SYNPR: variants seen among roughly 807,000 people sequenced by gnomAD.
SYNPR encodes synaptoporin.
Under a neutral mutation model 32.9 loss-of-function variants are expected in SYNPR, and 23 were observed. The ratio of observed to expected loss-of-function variants is 0.70; its 90% confidence interval spans 0.50 to 0.99. The LOEUF (loss-of-function observed/expected upper bound fraction) is 0.99. SYNPR is among the 50% of genes least tolerant of loss of function. The pLI, the probability that SYNPR is intolerant of heterozygous loss-of-function variation, is 0.00. For synonymous variants in SYNPR, 146 were observed against 135.9 expected, an observed-to-expected ratio of 1.07 and a Z score of -0.52; for missense variants, 318 against 349.3, an observed-to-expected ratio of 0.91 and a Z score of 0.71.
intron 4 of SYNPR, among the ~76,000 whole-genome samples, chr3:63,562,725 C>T (rs528373021): frequency 1.2e-4 from 19 of 152,274 alleles, no homozygotes; most frequent in African/African-American, 4.3e-4. Flanking sequence ...GAAAATAAGT[C>T]CAGGATATTA....
intron 3 of SYNPR, 86 bp downstream of exon 3, chr3:63,481,042 C>T: frequency 6.6e-7 from 1 of 1,519,528 alleles, no homozygotes; most frequent in Non-Finnish European, 8.8e-7. Context: ...TGCAGTCTTC[C>T]AGGGACTTCT....
intron 3 of SYNPR, among the ~76,000 whole-genome samples, chr3:63,527,213 A>G (rs2106782829): frequency 6.6e-6 from 1 of 152,290 alleles, no homozygotes; most frequent in Non-Finnish European, 1.5e-5. Flanking sequence ...AATGGAATGT[A>G]TAGGCTCCAG....
chr3:63,521,388 A>G (rs1245729392), intron 3 of SYNPR, among the ~76,000 whole-genome samples: 1 of 152,210 alleles, frequency 6.6e-6, no homozygotes, highest in East Asian at 1.9e-4. Flanking sequence ...ATCCAACTCT[A>G]TGCTGTTAAT....
chr3:63,484,155 G>C (rs948954227), intron 3 of SYNPR, among the ~76,000 whole-genome samples: 17 of 152,176 alleles, frequency 1.1e-4, no homozygotes, highest in African/African-American at 3.9e-4. Flanking sequence ...AGCACCATAT[G>C]TATGTGTTCC....
intron 3 of SYNPR, among the ~76,000 whole-genome samples, chr3:63,499,152 G>C (rs1701431660): frequency 6.6e-6 from 1 of 152,022 alleles, no homozygotes; most frequent in South Asian, 2.1e-4. Context: ...GGTTCAGAGA[G>C]AGAAAACTGG....
chr3:63,551,869 C>CTATTTATTTATT (rs10527039), intron 3 of SYNPR, among the ~76,000 whole-genome samples: 162 of 144,852 alleles, frequency 1.1e-3, no homozygotes, highest in Admixed American at 1.9e-3. Flanking sequence ...CAGCATCTAG[C>CTATTTATTTATT]TATTTATTTA....
At chr3:63,474,831 T>C (rs78568828) in intron 2 of SYNPR, among the ~76,000 whole-genome samples, 3,952 of 152,168 alleles carry the variant, frequency 0.026, 78 homozygotes, top group East Asian at 0.05. Flanking sequence ...TACATGAAGG[T>C]TGTGTACCAG....
intron 3 of SYNPR, among the ~76,000 whole-genome samples, chr3:63,543,238 T>C (rs11130944): frequency 0.24 from 36,726 of 151,980 alleles, 4,525 homozygotes; most frequent in East Asian, 0.34. Flanking sequence ...AATGCATCCC[T>C]CGAAAGAGTT....
chr3:63,496,362 T>C (rs1005786924), intron 3 of SYNPR, among the ~76,000 whole-genome samples: 2 of 152,124 alleles, frequency 1.3e-5, no homozygotes, highest in African/African-American at 4.8e-5. Flanking sequence ...CTACCACCTG[T>C]TTTTTGGACC....
intron 3 of SYNPR, among the ~76,000 whole-genome samples, chr3:63,538,075 C>T (rs1245481933): frequency 1.3e-5 from 2 of 152,034 alleles, no homozygotes; most frequent in African/African-American, 4.8e-5. Context: ...ACCACTTAAG[C>T]ACACTGTGGT....
chr3:63,276,744 G>A (rs1474220507), upstream of SYNPR, among the ~76,000 whole-genome samples: 1 of 151,756 alleles, frequency 6.6e-6, no homozygotes, highest in Non-Finnish European at 1.5e-5. Context: ...TGCAGATGGT[G>A]CAACCAGTCC....
rs1031152808 is a variant in SYNPR at position 63,245,737 on chromosome 3, G to A, written n.67-6762G>A. On this transcript the variant is annotated intron_variant and non_coding_transcript_variant, in intron 1 of 4. Coordinates refer to the SYNPR transcript ENST00000478456. Reference sequence around the variant, plus strand: ...TGTGTGTGTGTGTGTGTGTGTGTGTGTGTATGTGTGTGTGTGTGTGTGTGT... The same window carrying A: ...TGTGTGTGTGTGTGTGTGTGTGTGTATGTATGTGTGTGTGTGTGTGTGTGT... Among the ~76,000 whole-genome samples, 335 of 95,554 alleles carry A rather than the reference G, an allele frequency of 3.5e-3. 1 individual carries two copies. The highest frequency in any genetic ancestry group is 6.0e-3 in the Non-Finnish European group (249 of 41,658). The allele number at this position is 95,554 out of a possible 152,430, so 62.7% of individuals were successfully genotyped here.
At chr3:63,355,774 C>CT (rs1395187013) in intron 2 of SYNPR, among the ~76,000 whole-genome samples, 2 of 152,140 alleles carry the variant, frequency 1.3e-5, no homozygotes, top group African/African-American at 4.8e-5. Context: ...CTCCCTCTCC[C>CT]TCTCCCCTTT....
At chr3:63,599,821 G>A (rs1700012359) in intron 4 of SYNPR, among the ~76,000 whole-genome samples, 1 of 152,000 alleles carries the variant, frequency 6.6e-6, no homozygotes, top group African/African-American at 2.4e-5. Flanking sequence ...AAGCTATATT[G>A]GTTTAACATT....
chr3:63,238,006 G>T (rs1412150658), intron 1 of SYNPR, among the ~76,000 whole-genome samples: 1 of 151,994 alleles, frequency 6.6e-6, no homozygotes, highest in African/African-American at 2.4e-5. Context: ...GTTGTTGGTG[G>T]GACTCCTTCT....
intron 2 of SYNPR, among the ~76,000 whole-genome samples, chr3:63,295,538 GC>G (rs371245407): frequency 4.3e-4 from 65 of 152,238 alleles, no homozygotes; most frequent in African/African-American, 1.5e-3. Context: ...CCAGTACTTG[GC>G]AGGGCAAAAT....
At chr3:63,457,292 CT>C (rs1424836727) in intron 2 of SYNPR, among the ~76,000 whole-genome samples, 22 of 152,260 alleles carry the variant, frequency 1.4e-4, no homozygotes, top group African/African-American at 5.3e-4. Context: ...TTCCAGACAG[CT>C]GATACTTTTT....
intron 3 of SYNPR, among the ~76,000 whole-genome samples, chr3:63,522,895 C>T (rs1701942175): frequency 6.6e-6 from 1 of 152,076 alleles, no homozygotes; most frequent in Non-Finnish European, 1.5e-5. Flanking sequence ...ACAGGATGCT[C>T]TTGGAGGGCT....
At chr3:63,568,622 G>C (rs1317648485) in intron 4 of SYNPR, among the ~76,000 whole-genome samples, 2 of 152,122 alleles carry the variant, frequency 1.3e-5, no homozygotes, top group Non-Finnish European at 2.9e-5. Flanking sequence ...ACTAAGCTAG[G>C]TATATGTGGG....
Sources: allele counts gnomAD v4.1 joint callset (sites outside exome capture counted in the v4.1 genomes callset), GRCh38; gene constraint gnomAD v4.1.1; transcripts MANE v1.5; gene names NCBI Gene and HGNC (gene_info 2026-07-23, HGNC 2026-07-21).